Variants in KIF17 observed in about 807,000 individuals in gnomAD.
KIF17 encodes the protein kinesin-like protein KIF17.
A neutral mutation model predicts 96.8 loss-of-function variants in KIF17; 80 were observed. The observed-to-expected ratio is 0.83, with a 90% CI of 0.69 to 1.00. KIF17 has a LOEUF of 1.00. Ranked by LOEUF, KIF17 falls within the 50% of genes least tolerant of loss-of-function variation. The pLI, the probability that KIF17 is intolerant of heterozygous loss-of-function variation, is 0.00. For synonymous variants in KIF17, 567 were observed against 587.5 expected (o/e 0.97, Z 0.51); for missense variants, 1,280 against 1,372.9 (o/e 0.93, Z 1.07).
At position 20,684,998 on chromosome 1, in the gene KIF17, A is replaced by G; in HGVS notation, c.2042T>C (p.Val681Ala). Residue 681 changes from valine to alanine, a missense_variant, in exon 10 of 15, where the codon GTG becomes GCG. By Grantham distance (64) the Val-to-Ala change is moderately conservative. Transcript: ENST00000400463. The part of the protein sequence containing the change: ...PRPEVDLASE[V>A]ALEVVRTAEP... ...TGCTGTCCGCACCACCTCTAAGGCC[A>G]CTTCCGAGGCCAGATCTACCTCCTG... The G allele has an allele frequency of 1.2e-6, 2 of 1,601,046 alleles. No individual in the cohort carries two copies. Among genetic ancestry groups the G allele is most frequent in the Non-Finnish European group, 8.5e-7 (1 of 1,173,984 alleles).
chr1:20,664,514 T>C lies in KIF17; in HGVS notation c.*70A>G, dbSNP rs536781969. 1.9e-6 allele frequency: 3 copies of C among 1,611,958 alleles called. No homozygotes were observed. The highest frequency in any genetic ancestry group is 2.2e-5 in the East Asian group (1 of 44,878). On this transcript the variant is annotated 3_prime_UTR_variant, in exon 15 of 15. Coordinates refer to ENST00000400463, the MANE Select transcript of KIF17 (RefSeq NM_001122819.3). Reference sequence around the variant, plus strand: ...GTGTGGCAGGTGGGAGGAGACCTGGTTGGGGCTGCCCTGGGAGGGCCTGGC... The same window carrying C: ...GTGTGGCAGGTGGGAGGAGACCTGGCTGGGGCTGCCCTGGGAGGGCCTGGC...
At position 20,685,943 on chromosome 1, in the gene KIF17, G is replaced by C. The variant is rs1210348313; in HGVS notation, c.2019+103C>G. Reference sequence around the variant, plus strand: ...GCTGGAGTTGTTGTTCTCAGCTCATGGATGAGGAAACTGAAGCTCAGGGAG... The same window carrying C: ...GCTGGAGTTGTTGTTCTCAGCTCATCGATGAGGAAACTGAAGCTCAGGGAG... On this transcript the variant is annotated intron_variant, in intron 9 of 14. Coordinates refer to ENST00000400463, the MANE Select transcript of KIF17 (RefSeq NM_001122819.3). The surrounding 1 kb of genome is among the most constrained non-coding windows in gnomAD (Gnocchi z 4.1). 2.0e-6 allele frequency: 2 copies of C among 1,001,190 alleles called. No individual in the cohort carries two copies. The highest frequency in any genetic ancestry group is 3.1e-6 in the Non-Finnish European group (2 of 646,656). 62.0% of individuals were successfully genotyped at this position (1,001,190 alleles called of 1,614,324 possible).
At position 20,704,758 on chromosome 1, in the gene KIF17, C is replaced by A; in HGVS notation, c.812G>T (p.Gly271Val). The A allele has an allele frequency of 1.2e-6, 2 of 1,612,438 alleles. No individual in the cohort carries two copies. Among genetic ancestry groups the A allele is most frequent in the Non-Finnish European group, 1.7e-6 (2 of 1,179,490 alleles). ...TKINLSLSALGNVISALVDGR... is the reference protein window; with the variant it reads ...TKINLSLSALVNVISALVDGR... ...GTCCACCAGCGCCGAGATGACATTG[C>A]CCAGTGCCGAGAGCGACAGGTTGAT... The change falls in exon 5 of 15, where the codon GGC becomes GTC. Residue 271 changes from glycine to valine, a missense_variant. Coordinates refer to ENST00000400463, the MANE Select transcript of KIF17 (RefSeq NM_001122819.3). This position sits in a 1 kb window ranked among gnomAD's most constrained non-coding sequence, Gnocchi z 6.8.
Position 20,713,463 on chromosome 1 carries a change from C to G in KIF17, c.471G>C (p.Gln157His). The G allele has an allele frequency of 1.2e-6, 2 of 1,612,928 alleles. No homozygotes were observed. The highest frequency in any genetic ancestry group is 1.7e-6 in the Non-Finnish European group (2 of 1,179,526). ...VRDLLGADTK[Q>H]KLELKEHPEK... ...ATGGGTCTGCACCCACCTCCAGCTT[C>G]TGCTTGGTGTCAGCCCCAAGGAGGT... Residue 157 changes from glutamine to histidine, a missense_variant, in exon 3 of 15, where the codon CAG (glutamine) becomes CAC (histidine). By Grantham distance (24) the Gln-to-His change is conservative. Transcript: ENST00000400463.
In KIF17 at chr1:20,709,598, G is replaced by A. The variant is rs1557604542; in HGVS notation, c.670+41C>T. 3 of 1,609,508 alleles carry A rather than the reference G, an allele frequency of 1.9e-6. No individual in the cohort carries two copies. Among genetic ancestry groups the A allele is most frequent in the Admixed American group, 3.3e-5 (2 of 59,976 alleles). ...CGTGCCTTGGCTAGTGGGAGTGGCT[G>A]GGTCATCTGTCCCCCTGCCCCCAAC... On this transcript the variant is annotated intron_variant, in intron 4 of 14. Coordinates refer to ENST00000400463, the MANE Select transcript of KIF17 (RefSeq NM_001122819.3). The surrounding 1 kb of genome is among the most constrained non-coding windows in gnomAD (Gnocchi z 4.7).
intron 10 of KIF17, among the ~76,000 whole-genome samples, chr1:20,684,006 G>A (rs961407661): frequency 3.3e-5 from 5 of 152,260 alleles, no homozygotes; most frequent in Non-Finnish European, 7.3e-5. Flanking sequence ...CTGCCACGCT[G>A]CAGGCAATGC....
chr1:20,704,329 G>A lies in KIF17; in HGVS notation c.1123+118C>T, dbSNP rs2054300571. ...CCCTGCGCTCACATGGGGCTGAGGG[G>A]TGGGAGGATGCTGCTCCCACTGTCT... On this transcript the variant is annotated intron_variant, in intron 5 of 14. Transcript: ENST00000400463. This position sits in a 1 kb window ranked among gnomAD's most constrained non-coding sequence, Gnocchi z 6.8. 4.8e-6 allele frequency: 4 copies of A among 838,340 alleles called. No homozygotes were observed. The highest frequency in any genetic ancestry group is 4.0e-5 in the Admixed American group (2 of 50,086). The allele number at this position is 838,340 out of a possible 1,614,324, so 51.9% of individuals were successfully genotyped here. A position where few individuals can be genotyped will look rare whatever the true frequency, so the allele number is the denominator to read the frequency against.
intron 1 of KIF17, 116 bp downstream of exon 1, chr1:20,717,360 C>T (rs2054595927): frequency 4.3e-6 from 5 of 1,174,592 alleles, no homozygotes; most frequent in East Asian, 2.5e-5. Flanking sequence ...TGTTCCCGTC[C>T]GCCTGCGCCC....
At chr1:20,707,571 G>C (rs1461298657) in intron 4 of KIF17, among the ~76,000 whole-genome samples, 1 of 151,936 alleles carries the variant, frequency 6.6e-6, no homozygotes, top group Non-Finnish European at 1.5e-5. Context: ...AGGAGTTCGA[G>C]ACCAGCCTGG....
At chr1:20,717,429 G>A (rs753612824) in intron 1 of KIF17, 47 bp downstream of exon 1, 4 of 1,602,718 alleles carry the variant, frequency 2.5e-6, no homozygotes, top group Middle Eastern at 1.7e-4. Context: ...CTCTCGGGGC[G>A]GCCTCATGCC....
intron 6 of KIF17, among the ~76,000 whole-genome samples, chr1:20,697,546 G>C (rs576580357): frequency 1.8e-4 from 27 of 152,352 alleles, no homozygotes; most frequent in African/African-American, 6.0e-4. Context: ...GTTTGAAGGT[G>C]CAGTGAGTTG....
Position 20,717,923 on chromosome 1 carries a change from G to T in KIF17, c.-217C>A. On this transcript the variant is annotated 5_prime_UTR_variant, in exon 1 of 15. Coordinates refer to ENST00000400463, the MANE Select transcript of KIF17 (RefSeq NM_001122819.3). ...AGCCGGGGCCGCCGCTTCCTCCCGCGCCCGGGCTCGCCCGTTTCTGAGGCC... is the reference window on the plus strand; with the variant it reads ...AGCCGGGGCCGCCGCTTCCTCCCGCTCCCGGGCTCGCCCGTTTCTGAGGCC... 1 of 186,958 alleles carries T rather than the reference G, an allele frequency of 5.3e-6. No individual in the cohort carries two copies. Among genetic ancestry groups the T allele is most frequent in the Non-Finnish European group, 1.0e-5 (1 of 95,492 alleles). 11.6% of individuals were successfully genotyped at this position (186,958 alleles called of 1,614,324 possible).
At chr1:20,670,362 C>G (rs1275592587) in intron 13 of KIF17, 59 bp downstream of exon 13, 6 of 1,484,840 alleles carry the variant, frequency 4.0e-6, no homozygotes, top group Non-Finnish European at 5.6e-6. Flanking sequence ...TGACCCACAG[C>G]ACTGGGGGCA....
At chr1:20,673,532 C>CT (rs1393635108) in intron 11 of KIF17, among the ~76,000 whole-genome samples, 115 of 127,780 alleles carry the variant, frequency 9.0e-4, no homozygotes, top group African/African-American at 3.3e-3. Flanking sequence ...CAGCCTGCTC[C>CT]ATTTTTTTTT....
rs145619281 is a variant in KIF17 at position 20,682,881 on chromosome 1, C to T, written c.2235G>A (p.Leu745=). The change falls in exon 11 of 15, where the codon CTG becomes CTA. Residue 745 remains leucine (L), a synonymous_variant. Coordinates refer to ENST00000400463, the MANE Select transcript of KIF17 (RefSeq NM_001122819.3). Reference sequence around the variant, plus strand: ...CCACAACCTGCTGCTCCAACAGCTGCAGACTGCCGGCGTGGAGGAGAAAGC... The same window carrying T: ...CCACAACCTGCTGCTCCAACAGCTGTAGACTGCCGGCGTGGAGGAGAAAGC... The part of the protein sequence containing the change: ...VVDQQQVLAR[L]QLLEQQVVGG... The T allele has an allele frequency of 1.0e-4, 165 of 1,609,458 alleles. 1 individual carries two copies. In the African/African-American group the frequency reaches 1.9e-3, roughly 18 times the overall value.
rs1362858497 is a variant in KIF17, at chr1:20,669,837, G to A, written c.2790+584C>T. On this transcript the variant is annotated intron_variant, in intron 13 of 14. Coordinates refer to ENST00000400463, the MANE Select transcript of KIF17 (RefSeq NM_001122819.3). Reference sequence around the variant, plus strand: ...GCCAAGATCGCACCACTGCACTCCGGCCTGGTGACAGAGCGAGACTCCATC... The same window carrying A: ...GCCAAGATCGCACCACTGCACTCCGACCTGGTGACAGAGCGAGACTCCATC... Among the ~76,000 whole-genome samples the A allele has an allele frequency of 1.3e-4, 15 of 117,170 alleles. No homozygotes were observed. In the Admixed American group the frequency reaches 1.7e-3, roughly 13 times the overall value. 76.9% of individuals were successfully genotyped at this position (117,170 alleles called of 152,430 possible). A position where few individuals can be genotyped will look rare whatever the true frequency, so the allele number is the denominator to read the frequency against.
chr1:20,681,610 C>T (rs576857408), intron 11 of KIF17, among the ~76,000 whole-genome samples: 10 of 152,268 alleles, frequency 6.6e-5, no homozygotes, highest in Non-Finnish European at 1.3e-4. Context: ...TCAGGAGACC[C>T]GGACAGCACA....
chr1:20,704,366 A>C lies in KIF17; in HGVS notation c.1123+81T>G. On this transcript the variant is annotated intron_variant, in intron 5 of 14. Transcript: ENST00000400463. The surrounding 1 kb of genome is among the most constrained non-coding windows in gnomAD (Gnocchi z 6.8). ...TGCTCCCACTGTCTTTTAGGTGGGAAGTTGGAGGCGAGAAGACAGAGGGAA... is the reference window on the plus strand; with the variant it reads ...TGCTCCCACTGTCTTTTAGGTGGGACGTTGGAGGCGAGAAGACAGAGGGAA... The C allele has an allele frequency of 8.7e-7, 1 of 1,144,352 alleles. No homozygotes were observed. Among genetic ancestry groups the C allele is most frequent in the Non-Finnish European group, 1.3e-6 (1 of 781,530 alleles). 70.9% of individuals were successfully genotyped at this position (1,144,352 alleles called of 1,614,324 possible).
chr1:20,713,861 AAAACAAAAAC>A (rs909513032), intron 2 of KIF17, among the ~76,000 whole-genome samples: 3 of 152,122 alleles, frequency 2.0e-5, no homozygotes, highest in African/African-American at 7.2e-5. Context: ...GTTAAAAACA[AAAACAAAAAC>A]AAACAAAAAA....
Sources: gnomAD v4.1 joint callset for allele counts (sites outside exome capture counted in the v4.1 genomes callset) on GRCh38, gnomAD v4.1.1 for gene constraint, Gnocchi (gnomAD v3.1) non-coding constraint, MANE v1.5 for transcripts, NCBI Gene and HGNC (gene_info 2026-07-23, HGNC 2026-07-21) for gene names.